The following NTM variants were observed in gnomAD, a reference collection of about 807,000 sequenced individuals.
The protein encoded by NTM is neurotrimin.
Under a neutral mutation model 42.1 loss-of-function variants are expected in NTM, and 13 were observed. The ratio of observed to expected loss-of-function variants is 0.31; its 90% confidence interval spans 0.20 to 0.49. The LOEUF is 0.49. Among genes scored for constraint, NTM ranks in the 20% least tolerant of loss-of-function variants. The probability of loss-of-function intolerance (pLI) is 0.99; values close to 1 mark genes in which losing one functional copy is unlikely to be tolerated. For missense variants in NTM, 373 were observed against 452.8 expected, an observed-to-expected ratio of 0.82 and a Z score of 1.60; for synonymous variants, 187 against 179.2, an observed-to-expected ratio of 1.04 and a Z score of -0.35.
chr11:132,032,277 C>T (rs11222873), intron 2 of NTM, among the ~76,000 whole-genome samples: 13,261 of 152,202 alleles, frequency 0.087, 768 homozygotes, highest in Non-Finnish European at 0.13. Context: ...GCTTTGTCTC[C>T]TTGTGCATGC....
At chr11:131,590,344 G>C (rs58481132) in intron 1 of NTM, among the ~76,000 whole-genome samples, 6,237 of 152,272 alleles carry the variant, frequency 0.041, 404 homozygotes, top group African/African-American at 0.14. Context: ...CCCAAGAGCT[G>C]AGTGTTCATT....
intron 1 of NTM, among the ~76,000 whole-genome samples, chr11:131,760,061 C>A (rs568720071): frequency 6.6e-6 from 1 of 152,064 alleles, no homozygotes; most frequent in East Asian, 1.9e-4. Context: ...TTTGGGAAGT[C>A]CAATTATTTC....
In NTM at chr11:132,146,814, TTG is replaced by T. The variant is rs1476069201; in HGVS notation, c.400+302_400+303del. On this transcript the variant is annotated intron_variant, in intron 3 of 8. Coordinates refer to ENST00000683400, the MANE Select transcript of NTM (RefSeq NM_001352005.2). The surrounding 1 kb of genome is among the most constrained non-coding windows in gnomAD (Gnocchi z 4.5). ...TCCCCTAAGTTTTAGTTATTTTTGT[TTG>T]TTTGTTTTTTGTTTTGTTTTGTTTT... is the stretch of plus-strand genomic sequence containing the variant. 2.6e-6 allele frequency: 1 copy of T among 385,188 alleles called. No homozygotes were observed. The highest frequency in any genetic ancestry group is 2.1e-5 in the African/African-American group (1 of 48,286). The allele number at this position is 385,188 out of a possible 1,614,324, so 23.9% of individuals were successfully genotyped here.
At chr11:131,758,928 T>C (rs2083716324) in intron 1 of NTM, among the ~76,000 whole-genome samples, 1 of 152,122 alleles carries the variant, frequency 6.6e-6, no homozygotes, top group Non-Finnish European at 1.5e-5. Flanking sequence ...CCGGCCTAGA[T>C]GATTCATCAA....
intron 2 of NTM, among the ~76,000 whole-genome samples, chr11:131,995,432 C>T (rs1347340130): frequency 6.6e-6 from 1 of 151,966 alleles, no homozygotes; most frequent in African/African-American, 2.4e-5. Context: ...AACTGTGCAT[C>T]TGGTTTGGTC....
At chr11:131,989,551 G>A (rs2066648442) in intron 2 of NTM, among the ~76,000 whole-genome samples, 2 of 152,172 alleles carry the variant, frequency 1.3e-5, no homozygotes, top group Non-Finnish European at 2.9e-5. Flanking sequence ...TTGTTTAGAG[G>A]AAATGACATC....
At chr11:131,987,027 T>C in intron 2 of NTM, among the ~76,000 whole-genome samples, 1 of 152,202 alleles carries the variant, frequency 6.6e-6, no homozygotes, top group East Asian at 1.9e-4. Context: ...GTTGAGGATC[T>C]TTTATTCCAA....
chr11:131,930,949 C>G (rs762409056), intron 2 of NTM, among the ~76,000 whole-genome samples: 1 of 152,160 alleles, frequency 6.6e-6, no homozygotes, highest in Non-Finnish European at 1.5e-5. Context: ...CTTTGATGCT[C>G]TTTGACTGTG....
chr11:131,946,457 G>A (rs549111473), intron 2 of NTM, among the ~76,000 whole-genome samples: 2 of 152,280 alleles, frequency 1.3e-5, no homozygotes, highest in East Asian at 3.9e-4. Flanking sequence ...AAAAGAAAAT[G>A]TAAAACATAT....
chr11:131,387,442 G>T (rs1943469693), intron 1 of NTM, among the ~76,000 whole-genome samples: 1 of 152,192 alleles, frequency 6.6e-6, no homozygotes, highest in Non-Finnish European at 1.5e-5. Context: ...TAACGGGAAT[G>T]TTCTTCCTGC....
chr11:132,206,426 C>T (rs1566469964), intron 3 of NTM, among the ~76,000 whole-genome samples: 1 of 152,152 alleles, frequency 6.6e-6, no homozygotes, highest in Non-Finnish European at 1.5e-5. Flanking sequence ...CAAGCACATA[C>T]AATATTAAAA....
At position 132,222,840 on chromosome 11, in the gene NTM, A is replaced by G. The variant is rs116324149; in HGVS notation, c.526+10693A>G. The stretch of plus-strand genomic sequence containing the variant: ...TAAACAAAATGACTTTGGACTTTAC[A>G]GTTCTTCCATAATAGATTCAGGACT... On this transcript the variant is annotated intron_variant, in intron 4 of 8. Transcript: ENST00000683400. Among the ~76,000 whole-genome samples, 1,493 of 152,226 alleles carry G rather than the reference A, an allele frequency of 9.8e-3. 17 individuals are homozygous for G. Among genetic ancestry groups the G allele is most frequent in the African/African-American group, 0.034 (1,397 of 41,540 alleles).
intron 1 of NTM, among the ~76,000 whole-genome samples, chr11:131,449,050 T>C (rs1591697215): frequency 6.6e-6 from 1 of 152,104 alleles, no homozygotes; most frequent in East Asian, 1.9e-4. Flanking sequence ...GAAGAAGAAT[T>C]TGGAAAACAG....
intron 2 of NTM, among the ~76,000 whole-genome samples, chr11:132,055,703 C>T (rs756569414): frequency 1.5e-4 from 23 of 151,182 alleles, no homozygotes; most frequent in Non-Finnish European, 2.8e-4. Flanking sequence ...GAGAGAGAAC[C>T]ATCAAAGCAG....
At chr11:132,074,459 ACT>A (rs2058100830) in intron 2 of NTM, among the ~76,000 whole-genome samples, 1 of 152,106 alleles carries the variant, frequency 6.6e-6, no homozygotes. Context: ...ATTCTTCCCT[ACT>A]CTCAGTTTCT....
chr11:132,011,188 C>T (rs572563613), intron 2 of NTM, among the ~76,000 whole-genome samples: 2 of 151,400 alleles, frequency 1.3e-5, no homozygotes, highest in African/African-American at 2.4e-5. Flanking sequence ...ATAAAGTCAC[C>T]TCTAGTGAAA....
intron 1 of NTM, among the ~76,000 whole-genome samples, chr11:131,450,305 G>T (rs986409221): frequency 2.6e-5 from 4 of 152,184 alleles, no homozygotes; most frequent in East Asian, 1.9e-4. Context: ...GTGAGGAAGT[G>T]GGGGAGTCAT....
chr11:132,335,128 C>T lies in NTM; in HGVS notation c.1050C>T (p.His350=). 7 of 1,612,596 alleles carry T rather than the reference C, an allele frequency of 4.3e-6. No homozygotes were observed. Among genetic ancestry groups the T allele is most frequent in the Non-Finnish European group, 5.9e-6 (7 of 1,179,972 alleles). Residue 350 remains histidine (H), a synonymous_variant, in exon 9 of 9, where the codon CAC becomes CAT. Coordinates refer to ENST00000683400, the MANE Select transcript of NTM (RefSeq NM_001352005.2). The part of the protein sequence containing the change: ...CVWLLPLLVL[H]LLLKF ...GGCTGCTGCCTCTTCTGGTCTTGCA[C>T]CTGCTTCTCAAATTTTGATGTGAGT...
chr11:131,863,719 C>T (rs1415478873), intron 1 of NTM, among the ~76,000 whole-genome samples: 2 of 152,166 alleles, frequency 1.3e-5, no homozygotes. Context: ...AGACTCAGGT[C>T]CCTCCCTCCT....
Sources: gnomAD v4.1 joint callset for allele counts (sites outside exome capture counted in the v4.1 genomes callset) on GRCh38, gnomAD v4.1.1 for gene constraint, Gnocchi (gnomAD v3.1) non-coding constraint, MANE v1.5 for transcripts, NCBI Gene and HGNC (gene_info 2026-07-23, HGNC 2026-07-21) for gene names.